Variants in CRBN observed in about 807,000 individuals in gnomAD.
The protein encoded by CRBN is protein cereblon.
Under a neutral mutation model 62.2 loss-of-function variants are expected in CRBN, and 53 were observed. The ratio of observed to expected loss-of-function variants is 0.85; its 90% CI spans 0.68 to 1.07. The LOEUF is 1.07. Among genes scored for constraint, CRBN ranks in the 50% least tolerant of loss-of-function variants. The pLI is 0.00. For synonymous variants in CRBN, 208 were observed against 176.1 expected, an observed-to-expected ratio of 1.18 and a Z score of -1.43; for missense variants, 616 against 531.1, an observed-to-expected ratio of 1.16 and a Z score of -1.57.
intron 2 of CRBN, 85 bp downstream of exon 2, chr3:3,175,078 C>T (rs1348714085): frequency 3.3e-6 from 3 of 912,254 alleles, no homozygotes; most frequent in East Asian, 2.5e-5. Flanking sequence ...TCTAGTAATA[C>T]AAATATCAGT....
chr3:3,155,675 G>A (rs116402796), intron 6 of CRBN: 1,658 of 154,836 alleles, frequency 0.011, 32 homozygotes, highest in African/African-American at 0.038. Flanking sequence ...ATGATCAAGA[G>A]ACGTAAGTTA....
intron 5 of CRBN, among the ~76,000 whole-genome samples, chr3:3,158,335 G>A (rs1274869470): frequency 1.3e-5 from 2 of 152,094 alleles, no homozygotes; most frequent in Non-Finnish European, 2.9e-5. Context: ...TGTGCGTCCC[G>A]GTTCCTAACA....
chr3:3,162,901 G>C (rs1222928844), intron 5 of CRBN, among the ~76,000 whole-genome samples: 1 of 152,148 alleles, frequency 6.6e-6, no homozygotes. Flanking sequence ...ACTGAACCTT[G>C]TATCTGTCTA....
rs938707186 is a variant in CRBN at position 3,170,631 on chromosome 3, A to G, written c.527+2145T>C. ...GAATTTCTTTCATTTCACCATTTCC[A>G]GTGAAGGTGGTTACAGGGCCAGAGA... On this transcript the variant is annotated intron_variant, in intron 4 of 10. Coordinates refer to ENST00000231948, the MANE Select transcript of CRBN (RefSeq NM_016302.4). 9.2e-5 allele frequency among the ~76,000 whole-genome samples: 14 copies of G among 152,216 alleles called. No individual in the cohort carries two copies. The East Asian group carries it at 2.5e-3, about 27-fold the overall frequency.
Position 3,179,691 on chromosome 3 carries a change from T to G in CRBN, c.-4A>C. 6.2e-7 allele frequency: 1 copy of G among 1,613,126 alleles called. No homozygotes were observed. Among genetic ancestry groups the G allele is most frequent in the Non-Finnish European group, 8.5e-7 (1 of 1,179,494 alleles). ...GCTGATCTCCTTCGCCGGCCATGTC[T>G]GTTTACCCGCAAAGGAGGCTGGGAC... On this transcript the variant is annotated 5_prime_UTR_variant, in exon 1 of 11. Transcript: ENST00000231948.
Position 3,150,451 on chromosome 3 carries a change from A to G in CRBN, c.*414T>C, listed in dbSNP as rs574983347. ...AGCTTTTGTTATTTAGAGCACTGGTACAGATACGCTGTCCCATACATCAGG... is the reference window on the plus strand; with the variant it reads ...AGCTTTTGTTATTTAGAGCACTGGTGCAGATACGCTGTCCCATACATCAGG... On this transcript the variant is annotated 3_prime_UTR_variant, in exon 11 of 11. Transcript: ENST00000231948. 24 of 181,776 alleles carry G rather than the reference A, an allele frequency of 1.3e-4. No homozygotes were observed. The South Asian group carries it at 2.6e-3, about 19-fold the overall frequency. 11.3% of individuals were successfully genotyped at this position (181,776 alleles called of 1,614,324 possible). A position where few individuals can be genotyped will look rare whatever the true frequency, so the allele number is the denominator to read the frequency against.
At chr3:3,156,434 C>CTA in intron 5 of CRBN, 153 bp from the exon 6 acceptor site, 1 of 650,514 alleles carries the variant, frequency 1.5e-6, no homozygotes, top group Non-Finnish European at 2.7e-6. Flanking sequence ...ACGTGACTAT[C>CTA]TATGAAGTGT....
At chr3:3,157,618 G>T (rs1036046855) in intron 5 of CRBN, among the ~76,000 whole-genome samples, 5 of 152,148 alleles carry the variant, frequency 3.3e-5, no homozygotes, top group Non-Finnish European at 7.4e-5. Context: ...GCCGGAGTAA[G>T]ATCTGCAGGA....
intron 5 of CRBN, among the ~76,000 whole-genome samples, chr3:3,157,259 A>T (rs890366169): frequency 6.6e-6 from 1 of 152,236 alleles, no homozygotes; most frequent in African/African-American, 2.4e-5. Context: ...ATATGTTTAT[A>T]TCAAGGAATG....
At chr3:3,161,803 T>C (rs1489177050) in intron 5 of CRBN, among the ~76,000 whole-genome samples, 2 of 152,254 alleles carry the variant, frequency 1.3e-5, no homozygotes, top group African/African-American at 4.8e-5. Context: ...TTTGTACATG[T>C]TATTTAGTAC....
chr3:3,156,188 A>T, intron 6 of CRBN, 31 bp downstream of exon 6: 6 of 1,575,934 alleles, frequency 3.8e-6, no homozygotes, highest in Non-Finnish European at 5.2e-6. Context: ...GGCCTACCAT[A>T]TATAAAGTAA....
intron 10 of CRBN, among the ~76,000 whole-genome samples, chr3:3,152,150 ATTT>A (rs66844241): frequency 1.4e-5 from 2 of 147,096 alleles, no homozygotes; most frequent in South Asian, 4.2e-4. Context: ...ATTTAAATAA[ATTT>A]TTTTTTTTTT....
intron 8 of CRBN, chr3:3,153,722 T>G (rs936385112): frequency 3.3e-6 from 2 of 613,632 alleles, no homozygotes; most frequent in African/African-American, 3.7e-5. Context: ...AAAGGAATAG[T>G]GATATATAAC....
At chr3:3,176,646 G>T (rs1485138797) in intron 1 of CRBN, among the ~76,000 whole-genome samples, 1 of 152,216 alleles carries the variant, frequency 6.6e-6, no homozygotes, top group African/African-American at 2.4e-5. Context: ...TGAGGCAGGA[G>T]AATCGCTTGA....
chr3:3,149,889 A>G (rs1012947391), downstream of CRBN: 2 of 152,108 alleles, frequency 1.3e-5, no homozygotes, highest in Non-Finnish European at 2.9e-5. Flanking sequence ...GTTATCATAC[A>G]AATGTGGAAG....
intron 5 of CRBN, chr3:3,156,502 T>G (rs947252881): frequency 1.8e-6 from 1 of 553,908 alleles, no homozygotes; most frequent in African/African-American, 1.9e-5. Context: ...TTCATTCCTA[T>G]TTAAAAAGGT....
At chr3:3,176,386 G>A (rs1392766084) in intron 1 of CRBN, among the ~76,000 whole-genome samples, 4 of 152,180 alleles carry the variant, frequency 2.6e-5, no homozygotes, top group Non-Finnish European at 5.9e-5. Context: ...AACCTAGCAG[G>A]AAGAATTTCA....
chr3:3,164,270 C>T (rs541045270), intron 5 of CRBN, among the ~76,000 whole-genome samples: 10 of 152,342 alleles, frequency 6.6e-5, no homozygotes, highest in Middle Eastern at 6.8e-3. Context: ...GTTAGAAACA[C>T]ATGTCAAAGC....
chr3:3,152,847 A>C (rs537643973), intron 9 of CRBN: 33 of 501,804 alleles, frequency 6.6e-5, no homozygotes, highest in African/African-American at 6.2e-4. Flanking sequence ...AACCCTCCTC[A>C]AGACAGACAT....
Sources: allele counts gnomAD v4.1 joint callset (sites outside exome capture counted in the v4.1 genomes callset), GRCh38; gene constraint gnomAD v4.1.1; transcripts MANE v1.5; gene names NCBI Gene and HGNC (gene_info 2026-07-23, HGNC 2026-07-21).